The following KCNT1 variants were observed in gnomAD, a reference collection of about 807,000 sequenced individuals.
KCNT1 encodes the protein potassium sodium-activated channel subfamily T member 1, also known as potassium channel subfamily T member 1.
In KCNT1, 78 loss-of-function variants were observed where a neutral mutation model predicts 147.8. That is an observed-to-expected ratio of 0.53 (90% CI 0.44 to 0.64). The LOEUF (loss-of-function observed/expected upper bound fraction) is 0.64. Ranked by LOEUF, KCNT1 falls within the 30% of genes least tolerant of loss-of-function variation. The pLI, the probability that KCNT1 is intolerant of heterozygous loss-of-function variation, is 0.00. For synonymous variants in KCNT1, 867 were observed against 748.8 expected (o/e 1.16, Z -2.58); for missense variants, 1,419 against 1,750.3 (o/e 0.81, Z 3.38).
intron 2 of KCNT1, among the ~76,000 whole-genome samples, chr9:135,715,046 T>TG (rs1029963725): frequency 3.3e-5 from 5 of 152,152 alleles, no homozygotes; most frequent in African/African-American, 1.2e-4. Context: ...TTTCTGGTTT[T>TG]GGGGGCAAGC....
chr9:135,706,405 C>T (rs1835256137), intron 1 of KCNT1, among the ~76,000 whole-genome samples: 1 of 152,232 alleles, frequency 6.6e-6, no homozygotes, highest in African/African-American at 2.4e-5. Context: ...GCATGGCCCA[C>T]GGCCCCCAGG....
chr9:135,703,955 G>A (rs1339302138), intron 1 of KCNT1, among the ~76,000 whole-genome samples: 1 of 152,236 alleles, frequency 6.6e-6, no homozygotes, highest in East Asian at 1.9e-4. Context: ...AGGCAGAGCA[G>A]CCGCCGGCAG....
chr9:135,744,776 C>T (rs1227206365), intron 2 of KCNT1, among the ~76,000 whole-genome samples: 2 of 152,226 alleles, frequency 1.3e-5, no homozygotes, highest in Non-Finnish European at 2.9e-5. Context: ...GGCCTCACCC[C>T]AGGGGGTACA....
intron 1 of KCNT1, among the ~76,000 whole-genome samples, chr9:135,708,824 C>T (rs1283250764): frequency 1.3e-5 from 2 of 152,158 alleles, no homozygotes; most frequent in East Asian, 3.9e-4. Flanking sequence ...GAATTACAGG[C>T]GTGAGGCACC....
intron 20 of KCNT1, among the ~76,000 whole-genome samples, chr9:135,776,488 A>C (rs1339285980): frequency 6.6e-6 from 1 of 152,004 alleles, no homozygotes; most frequent in Non-Finnish European, 1.5e-5. Context: ...GCTAGTCTCG[A>C]ACTCCTGGAC....
At chr9:135,711,324 C>T (rs1835478369) in intron 1 of KCNT1, among the ~76,000 whole-genome samples, 1 of 152,182 alleles carries the variant, frequency 6.6e-6, no homozygotes, top group Non-Finnish European at 1.5e-5. Context: ...GAAGCAGGCA[C>T]TCCTGGCTAT....
At chr9:135,764,295 A>AAAATAAAAAT (rs1832107477) in intron 11 of KCNT1, among the ~76,000 whole-genome samples, 1 of 107,560 alleles carries the variant, frequency 9.3e-6, no homozygotes, top group Non-Finnish European at 2.4e-5. Flanking sequence ...ATCTCTACAA[A>AAAATAAAAAT]AAATAAAAAT....
chr9:135,711,222 C>G (rs1835472485), intron 1 of KCNT1, among the ~76,000 whole-genome samples: 1 of 152,224 alleles, frequency 6.6e-6, no homozygotes, highest in Admixed American at 6.5e-5. Context: ...AACGGGAATG[C>G]CCAGAGCCTT....
At chr9:135,780,432 G>A (rs1036044729) in intron 24 of KCNT1, among the ~76,000 whole-genome samples, 10 of 152,182 alleles carry the variant, frequency 6.6e-5, no homozygotes, top group African/African-American at 2.2e-4. Flanking sequence ...CCTGCGACAC[G>A]GACATGGCTT....
Position 135,777,427 on chromosome 9 carries a change from G to A in KCNT1, c.2439G>A (p.Gly813=). 6.2e-7 allele frequency: 1 copy of A among 1,614,078 alleles called. No homozygotes were observed. The highest frequency in any genetic ancestry group is 1.3e-5 in the African/African-American group (1 of 75,008). The change falls in exon 21 of 31, where the codon GGG becomes GGA. Residue 813 remains glycine, a synonymous_variant. Transcript: ENST00000371757. ...IIVSAETAGN[G]LYNFIVPLRA... Reference sequence around the variant, plus strand: ...TCTCGGCAGAGACGGCCGGCAATGGGCTGTACAACTTCATCGTGCCACTGC... The same window carrying A: ...TCTCGGCAGAGACGGCCGGCAATGGACTGTACAACTTCATCGTGCCACTGC...
chr9:135,726,675 C>G (rs1836155770), intron 2 of KCNT1, among the ~76,000 whole-genome samples: 1 of 151,506 alleles, frequency 6.6e-6, no homozygotes, highest in Admixed American at 6.6e-5. Context: ...CTCTATCTCT[C>G]CTTCCCTCTC....
intron 29 of KCNT1, 92 bp downstream of exon 29, chr9:135,786,613 C>A: frequency 1.7e-6 from 2 of 1,186,086 alleles, no homozygotes; most frequent in Non-Finnish European, 2.3e-6. Context: ...CGTCCCGGGG[C>A]CCGGGCCGTC....
At position 135,752,249 on chromosome 9, in the gene KCNT1, G is replaced by C. The variant is rs1036408098; in HGVS notation, c.434+1208G>C. 4.8e-6 allele frequency: 2 copies of C among 413,154 alleles called. No homozygotes were observed. Among genetic ancestry groups the C allele is most frequent in the Non-Finnish European group, 9.6e-6 (2 of 207,796 alleles). 25.6% of individuals were successfully genotyped at this position (413,154 alleles called of 1,614,324 possible). The stretch of plus-strand genomic sequence containing the variant: ...GACTGCCGGGAGCCTGGCTTCTGGG[G>C]ACCTAAAGGCGTCCATGTAAACTTT... On this transcript the variant is annotated intron_variant, in intron 4 of 30. Coordinates refer to ENST00000371757, the MANE Select transcript of KCNT1 (RefSeq NM_020822.3). This position sits in a 1 kb window ranked among gnomAD's most constrained non-coding sequence, Gnocchi z 5.1.
rs576413714 is a variant in KCNT1, at chr9:135,714,550, C to T, written c.111-27C>T. 2.6e-5 allele frequency: 29 copies of T among 1,098,422 alleles called. No homozygotes were observed. In the East Asian group the frequency reaches 1.6e-3, roughly 61 times the overall value. The allele number at this position is 1,098,422 out of a possible 1,614,324, so 68.0% of individuals were successfully genotyped here. On this transcript the variant is annotated intron_variant, in intron 1 of 30. Coordinates refer to ENST00000371757, the MANE Select transcript of KCNT1 (RefSeq NM_020822.3). The surrounding 1 kb of genome is among the most constrained non-coding windows in gnomAD (Gnocchi z 6.2). ...CGTCCGCGAGGGCGCCCGACGCGGG[C>T]TGAGGGGCGCTGGCGTGTGCCCGCA...
intron 1 of KCNT1, among the ~76,000 whole-genome samples, chr9:135,702,769 G>A (rs913957295): frequency 6.6e-6 from 1 of 152,080 alleles, no homozygotes; most frequent in Non-Finnish European, 1.5e-5. Context: ...TGTGTGGCAT[G>A]GCAGTGCTCG....
intron 2 of KCNT1, among the ~76,000 whole-genome samples, chr9:135,718,793 C>T (rs769507841): frequency 2.0e-5 from 3 of 152,188 alleles, no homozygotes; most frequent in South Asian, 2.1e-4. Flanking sequence ...CTGTTTCCCC[C>T]GGGAGTAGAG....
At chr9:135,709,146 T>A (rs1460139169) in intron 1 of KCNT1, among the ~76,000 whole-genome samples, 3 of 152,204 alleles carry the variant, frequency 2.0e-5, no homozygotes, top group Non-Finnish European at 4.4e-5. Flanking sequence ...CTATATCACC[T>A]ACAAGCTGGG....
In KCNT1 at chr9:135,795,125, A is replaced by G. The variant is rs928401235; in HGVS notation, c.*2964A>G. On this transcript the variant is annotated 3_prime_UTR_variant, in exon 31 of 31. Transcript: ENST00000371757. ...TTTTTTGTTTGTTTTTATTTTCCTTATACCTAATTCATCTAACAGAAAACT... is the reference window on the plus strand; with the variant it reads ...TTTTTTGTTTGTTTTTATTTTCCTTGTACCTAATTCATCTAACAGAAAACT... 2.6e-5 allele frequency: 4 copies of G among 152,030 alleles called. No homozygotes were observed. The highest frequency in any genetic ancestry group is 1.3e-4 in the Admixed American group (2 of 15,260). 9.4% of individuals were successfully genotyped at this position (152,030 alleles called of 1,614,324 possible).
At chr9:135,747,574 G>A (rs771309766) in intron 2 of KCNT1, among the ~76,000 whole-genome samples, 9 of 152,124 alleles carry the variant, frequency 5.9e-5, no homozygotes, top group South Asian at 4.1e-4. Context: ...GAAAGACGGC[G>A]GACAGACCCC....
Sources: allele counts gnomAD v4.1 joint callset (sites outside exome capture counted in the v4.1 genomes callset), GRCh38; gene constraint gnomAD v4.1.1; non-coding constraint Gnocchi (gnomAD v3.1); transcripts MANE v1.5; gene names NCBI Gene and HGNC (gene_info 2026-07-23, HGNC 2026-07-21).